RPS6KL1: variants seen among roughly 807,000 people sequenced by gnomAD.
RPS6KL1 encodes the protein ribosomal protein S6 kinase like 1.
In RPS6KL1, 41 loss-of-function variants were observed where a neutral mutation model predicts 57.0. That is an observed-to-expected ratio of 0.72 (90% CI 0.56 to 0.93). The LOEUF (loss-of-function observed/expected upper bound fraction) is 0.93. Among genes scored for constraint, RPS6KL1 ranks in the 40% least tolerant of loss-of-function variants. RPS6KL1 has a pLI of 0.00. For synonymous variants in RPS6KL1, 287 were observed against 309.7 expected (o/e 0.93, Z 0.77); for missense variants, 697 against 727.7 (o/e 0.96, Z 0.49).
intron 3 of RPS6KL1, 54 bp downstream of exon 3, chr14:74,921,223 C>G: frequency 6.9e-7 from 1 of 1,446,360 alleles, no homozygotes; most frequent in Non-Finnish European, 9.6e-7. Context: ...ACAGGAAGAG[C>G]CCTGCACTGG....
chr14:74,921,777 CTT>C (rs57626529), intron 2 of RPS6KL1, 199 bp downstream of exon 2: 13,247 of 823,006 alleles, frequency 0.016, 23 homozygotes, highest in African/African-American at 0.043. Context: ...GTTTTCTTTT[CTT>C]TTTTTTTTTT....
chr14:74,911,715 G>GAGAAC (rs1886028284), intron 6 of RPS6KL1, 79 bp downstream of exon 6: 1 of 1,344,664 alleles, frequency 7.4e-7, no homozygotes. Context: ...TTCAAATGCA[G>GAGAAC]GTTCTGGGTA....
chr14:74,908,961 G>C (rs1019239241), intron 9 of RPS6KL1, 29 bp from the exon 10 acceptor site: 3 of 1,602,750 alleles, frequency 1.9e-6, no homozygotes, highest in Non-Finnish European at 2.6e-6. Flanking sequence ...AGGTGTCCCA[G>C]CCTCACCTAA....
Position 74,911,374 on chromosome 14 carries a change from G to C in RPS6KL1, c.538C>G (p.Pro180Ala). The change falls in exon 7 of 12, where the codon CCC (proline) becomes GCC (alanine). Residue 180 changes from proline (P) to alanine (A), a missense_variant. Pro to Ala is a conservative substitution (Grantham distance 27). Transcript: ENST00000557413. ...TCCCTGCTCACCATGTGGCACCTGG[G>C]TAGGCTCTGGGAGCAGCAGGGCAGG... ...TGGTFVVKSL[P>A]RCHMVSRERL... 6.2e-7 allele frequency: 1 copy of C among 1,605,820 alleles called. No individual in the cohort carries two copies. The highest frequency in any genetic ancestry group is 1.1e-5 in the South Asian group (1 of 91,060).
chr14:74,920,516 T>G (rs566851725), intron 3 of RPS6KL1, among the ~76,000 whole-genome samples: 26 of 152,206 alleles, frequency 1.7e-4, no homozygotes, highest in Non-Finnish European at 2.5e-4. Flanking sequence ...CAAAATGGCC[T>G]CAGCACCAGC....
At chr14:74,915,233 G>C (rs367811596) in intron 5 of RPS6KL1, among the ~76,000 whole-genome samples, 2 of 152,328 alleles carry the variant, frequency 1.3e-5, no homozygotes, top group East Asian at 1.9e-4. Context: ...AGAGGCTTAT[G>C]TGCCTAGTGA....
At chr14:74,921,238 T>TCCCC in intron 3 of RPS6KL1, 39 bp downstream of exon 3, 15 of 840,168 alleles carry the variant, frequency 1.8e-5, no homozygotes, top group Admixed American at 1.6e-4. Flanking sequence ...CACTGGCCCT[T>TCCCC]CCCCACCCAC....
chr14:74,918,424 G>A, intron 5 of RPS6KL1, 89 bp downstream of exon 5: 2 of 979,526 alleles, frequency 2.0e-6, no homozygotes. Flanking sequence ...CTACAGACCT[G>A]CTTTCAGCAT....
Position 74,909,342 on chromosome 14 carries a change from C to T in RPS6KL1, c.1271-152G>A, listed in dbSNP as rs575057518. ...AGGGGCACAGCACCCTCCACAGAGG[C>T]ACAGCACTCTGAGGCCCACAGAGCC... On this transcript the variant is annotated intron_variant, in intron 8 of 11. Transcript: ENST00000557413. 1,056 of 977,674 alleles carry T rather than the reference C, an allele frequency of 1.1e-3. 5 individuals are homozygous for T. The highest frequency in any genetic ancestry group is 1.5e-3 in the Non-Finnish European group (974 of 643,160). 60.6% of individuals were successfully genotyped at this position (977,674 alleles called of 1,614,324 possible).
At position 74,909,200 on chromosome 14, in the gene RPS6KL1, G is replaced by T. The variant is rs1359184613; in HGVS notation, c.1271-10C>A. On this transcript the variant is annotated splice_polypyrimidine_tract_variant and intron_variant, in intron 8 of 11. Transcript: ENST00000557413. ...GTGAGCCGGATGTGACCTCCAGTGTGTGGGAGGAAAAAGGAGGGGACAGAT... is the reference window on the plus strand; with the variant it reads ...GTGAGCCGGATGTGACCTCCAGTGTTTGGGAGGAAAAAGGAGGGGACAGAT... 1.2e-6 allele frequency: 2 copies of T among 1,613,256 alleles called. No homozygotes were observed. Among genetic ancestry groups the T allele is most frequent in the Non-Finnish European group, 1.7e-6 (2 of 1,179,186 alleles).
At position 74,904,827 on chromosome 14, in the gene RPS6KL1, TA is replaced by T. The variant is rs1884509346; in HGVS notation, c.*2186del. Reference sequence around the variant, plus strand: ...GAGCAGTGGTCAGTGAGCGTGAGTGTACAGGGTGGGTAGCTAACCTAGACTG... The same window carrying T: ...GAGCAGTGGTCAGTGAGCGTGAGTGTCAGGGTGGGTAGCTAACCTAGACTG... On this transcript the variant is annotated 3_prime_UTR_variant, in exon 12 of 12. Transcript: ENST00000557413. The T allele has an allele frequency of 6.6e-6, 1 of 152,218 alleles. No individual in the cohort carries two copies. The highest frequency in any genetic ancestry group is 2.4e-5 in the African/African-American group (1 of 41,432). 9.4% of individuals were successfully genotyped at this position (152,218 alleles called of 1,614,324 possible).
Position 74,921,352 on chromosome 14 carries a change from C to T in RPS6KL1, c.190G>A (p.Asp64Asn), listed in dbSNP as rs199523582. The T allele has an allele frequency of 1.4e-5, 22 of 1,613,714 alleles. No homozygotes were observed. The highest frequency in any genetic ancestry group is 4.5e-5 in the East Asian group (2 of 44,840). ...GCCGCCTCATAGTCCTCACTAACAT[C>T]GCGCTCCAGGGCCAGCCGGATCTGC... ...ATQIRLALER[D>N]VSEDYEAAFN... The change falls in exon 3 of 12, where the codon GAT (aspartate) becomes AAT (asparagine). Residue 64 changes from aspartate (D) to asparagine (N), a missense_variant. Asp to Asn is a conservative substitution (Grantham distance 23). Transcript: ENST00000557413.
rs762411498 is a variant in RPS6KL1, at chr14:74,909,552, C to A, written c.1261G>T (p.Asp421Tyr). 1.3e-6 allele frequency: 2 copies of A among 1,597,874 alleles called. No individual in the cohort carries two copies. The highest frequency in any genetic ancestry group is 1.7e-6 in the Non-Finnish European group (2 of 1,171,680). ...RDLHPGNLLL[D>Y]QAGHIRLTYF... ...TGAGGAGGGCACCTACCTGCCTGGTCCAGGAGCAGGTTCCCGGGGTGGAGG... is the reference window on the plus strand; with the variant it reads ...TGAGGAGGGCACCTACCTGCCTGGTACAGGAGCAGGTTCCCGGGGTGGAGG... The change falls in exon 8 of 12, where the codon GAC becomes TAC. Residue 421 changes from aspartate to tyrosine, a missense_variant. Physicochemically the swap from Asp to Tyr is radical, Grantham distance 160. Coordinates refer to ENST00000557413, the MANE Select transcript of RPS6KL1 (RefSeq NM_031464.5).
intron 10 of RPS6KL1, 79 bp downstream of exon 10, chr14:74,908,771 C>G: frequency 7.7e-7 from 1 of 1,305,682 alleles, no homozygotes; most frequent in Non-Finnish European, 1.1e-6. Context: ...TCTGCCCAGA[C>G]TGGCTGGATG....
At chr14:74,916,211 A>C (rs1200193242) in intron 5 of RPS6KL1, among the ~76,000 whole-genome samples, 1 of 152,188 alleles carries the variant, frequency 6.6e-6, no homozygotes. Flanking sequence ...GTGACAGTAT[A>C]TCCAAGTCTG....
chr14:74,911,942 C>T (rs920536082), intron 5 of RPS6KL1, 101 bp from the exon 6 acceptor site: 11 of 958,444 alleles, frequency 1.1e-5, no homozygotes, highest in Non-Finnish European at 1.6e-6. Flanking sequence ...GAGGCTGACT[C>T]ACTCCAGTGG....
chr14:74,922,653 A>G (rs145378912), intron 1 of RPS6KL1, among the ~76,000 whole-genome samples, 168 bp from the exon 2 acceptor site: 1 of 152,274 alleles, frequency 6.6e-6, no homozygotes, highest in Non-Finnish European at 1.5e-5. Flanking sequence ...TTCCTGAGCA[A>G]TGTGTGACCC....
At position 74,909,793 on chromosome 14, in the gene RPS6KL1, C is replaced by A. The variant is rs779251788; in HGVS notation, c.1020G>T (p.Gly340=). Residue 340 remains glycine, a synonymous_variant, in exon 8 of 12, where the codon GGG becomes GGT. Coordinates refer to ENST00000557413, the MANE Select transcript of RPS6KL1 (RefSeq NM_031464.5). The stretch of plus-strand genomic sequence containing the variant: ...GAACCCAAGTGAGCCCCCGAGGGGG[C>A]CCAGCGTCTGAGTTCTGGCCAGCCC... The part of the protein sequence containing the change: ...ARRAGQNSDA[G]PPRGLTWVPE... 1 of 1,605,488 alleles carries A rather than the reference C, an allele frequency of 6.2e-7. No individual in the cohort carries two copies. The highest frequency in any genetic ancestry group is 8.5e-7 in the Non-Finnish European group (1 of 1,176,062).
intron 8 of RPS6KL1, 42 bp downstream of exon 8, chr14:74,909,501 G>A (rs1479669202): frequency 1.3e-6 from 2 of 1,543,124 alleles, no homozygotes; most frequent in Non-Finnish European, 1.7e-6. Context: ...CTGCCTGGAC[G>A]CTTTGGGGGC....
Sources: allele counts gnomAD v4.1 joint callset (sites outside exome capture counted in the v4.1 genomes callset), GRCh38; gene constraint gnomAD v4.1.1; transcripts MANE v1.5; gene names NCBI Gene and HGNC (gene_info 2026-07-23, HGNC 2026-07-21).